Variants in KLHL13 observed in about 807,000 individuals in gnomAD.
KLHL13 encodes kelch like family member 13.
A neutral mutation model predicts 37.1 loss-of-function variants in KLHL13; 10 were observed. The observed-to-expected ratio is 0.27, with a 90% CI of 0.17 to 0.46. KLHL13 has a LOEUF of 0.46. Ranked by LOEUF, KLHL13 falls within the 20% of genes least tolerant of loss-of-function variation. The pLI, the probability that KLHL13 is intolerant of heterozygous loss-of-function variation, is 1.00. For synonymous variants in KLHL13, 163 were observed against 181.2 expected (o/e 0.90, Z 0.81); for missense variants, 360 against 509.3 (o/e 0.71, Z 2.82).
chrX:118,004,284 A>G (rs1002302658), intron 1 of KLHL13, among the ~76,000 whole-genome samples: 3 of 111,992 alleles, frequency 2.7e-5, no homozygotes, highest in Non-Finnish European at 1.9e-5. Context: ...GTGTATATAC[A>G]TGTATACAAA....
chrX:118,091,272 G>C (rs1168854387), intron 1 of KLHL13, among the ~76,000 whole-genome samples: 1 of 110,922 alleles, frequency 9.0e-6, no homozygotes, highest in African/African-American at 3.3e-5. Flanking sequence ...AAAACTTAAA[G>C]TATAATAAAA....
At chrX:117,919,963 G>C (rs1300713982) in intron 3 of KLHL13, among the ~76,000 whole-genome samples, 2 of 100,487 alleles carry the variant, frequency 2.0e-5, no homozygotes, top group Non-Finnish European at 3.9e-5. Context: ...TTTTGACATA[G>C]AGTAGAGATT....
At chrX:118,117,021 C>G (rs979913007), upstream of KLHL13, among the ~76,000 whole-genome samples, 2 of 112,863 alleles carry the variant, frequency 1.8e-5, no homozygotes, top group African/African-American at 6.4e-5. Context: ...AGGGCCGGAC[C>G]CTGAAGCTGA....
chrX:118,033,186 G>C lies in KLHL13; in HGVS notation c.-56+83322C>G, dbSNP rs758346385. ...ACACTCTGCAGGATATTATCCAGGA[G>C]AACTTCCCCAATCTAGCAAGGCAGG... On this transcript the variant is annotated intron_variant, in intron 1 of 6. Transcript: ENST00000371882. 1.6e-3 allele frequency among the ~76,000 whole-genome samples: 183 copies of C among 111,465 alleles called. 2 individuals are homozygous for C. Among genetic ancestry groups the C allele is most frequent in the African/African-American group, 5.8e-3 (178 of 30,685 alleles).
At chrX:118,110,446 T>G (rs1444107932) in intron 1 of KLHL13, among the ~76,000 whole-genome samples, 1 of 103,461 alleles carries the variant, frequency 9.7e-6, no homozygotes, top group Non-Finnish European at 2.0e-5. Flanking sequence ...TGGCACGATC[T>G]TGGCTCACTG....
chrX:118,108,226 G>C (rs1360511470), intron 1 of KLHL13, among the ~76,000 whole-genome samples: 9 of 111,909 alleles, frequency 8.0e-5, no homozygotes, highest in Non-Finnish European at 1.7e-4. Context: ...CACTTCACCT[G>C]TAGACGATAA....
chrX:117,956,457 T>C (rs1273405451), intron 1 of KLHL13, among the ~76,000 whole-genome samples: 1 of 111,464 alleles, frequency 9.0e-6, no homozygotes, highest in African/African-American at 3.3e-5. Flanking sequence ...ATAGTAGGCA[T>C]CAAGCATTCA....
At chrX:118,057,141 G>A (rs2054693349) in intron 1 of KLHL13, among the ~76,000 whole-genome samples, 1 of 111,635 alleles carries the variant, frequency 9.0e-6, no homozygotes, top group South Asian at 3.8e-4. Flanking sequence ...GTGTGGTGTT[G>A]GCACAAGGAT....
At chrX:117,919,418 G>A in intron 4 of KLHL13, 103 bp downstream of exon 5, 1 of 639,755 alleles carries the variant, frequency 1.6e-6, no homozygotes, top group East Asian at 3.2e-5. Context: ...AGACACATCT[G>A]TCTAATGGCA....
chrX:118,090,903 A>T (rs1381874957), intron 1 of KLHL13, among the ~76,000 whole-genome samples: 1 of 108,381 alleles, frequency 9.2e-6, no homozygotes, highest in Non-Finnish European at 1.9e-5. Flanking sequence ...GATAGACTGG[A>T]TTAAGAAAAT....
chrX:118,069,438 AAAC>A (rs1425577117), intron 1 of KLHL13, among the ~76,000 whole-genome samples: 4 of 108,329 alleles, frequency 3.7e-5, no homozygotes, highest in African/African-American at 1.4e-4. Context: ...AAAAAAAAAA[AAAC>A]AATTTTAAAA....
At chrX:117,971,435 T>A in intron 1 of KLHL13, among the ~76,000 whole-genome samples, 1 of 111,833 alleles carries the variant, frequency 8.9e-6, no homozygotes, top group East Asian at 2.8e-4. Flanking sequence ...TCCATTAATT[T>A]GTGCTTTTGA....
rs1006605155 is a variant in KLHL13 at position 118,099,121 on chromosome X, T to G, written c.-56+17387A>C. ...ACTTAAAGTATAATAATAATAAAAT[T>G]TAAAAAAATTATACTTTATTAAATG... On this transcript the variant is annotated intron_variant, in intron 1 of 6. Transcript: ENST00000371882. 3.9e-5 allele frequency among the ~76,000 whole-genome samples: 4 copies of G among 102,968 alleles called. No homozygotes were observed. In the Admixed American group the frequency reaches 4.0e-4, roughly 10 times the overall value. 89.4% of individuals were successfully genotyped at this position (102,968 alleles called of 115,157 possible). A position where few individuals can be genotyped will look rare whatever the true frequency, so the allele number is the denominator to read the frequency against.
At chrX:118,000,018 T>C (rs1389736704) in intron 1 of KLHL13, among the ~76,000 whole-genome samples, 1 of 112,236 alleles carries the variant, frequency 8.9e-6, no homozygotes, top group African/African-American at 3.2e-5. Context: ...GTGATCTTCA[T>C]TGTCAAAGTA....
chrX:117,908,395 C>T (rs1005991704), intron 5 of KLHL13, among the ~76,000 whole-genome samples: 2 of 108,491 alleles, frequency 1.8e-5, no homozygotes, highest in Non-Finnish European at 3.8e-5. Context: ...CCTCCCCTAG[C>T]CCCCCAACCC....
intron 1 of KLHL13, among the ~76,000 whole-genome samples, chrX:117,953,762 T>G (rs940125900): frequency 4.5e-5 from 5 of 110,832 alleles, no homozygotes; most frequent in South Asian, 3.8e-4. Context: ...AATGCTTAAT[T>G]TATAAGCACA....
At chrX:118,112,328 C>A (rs758031645) in intron 1 of KLHL13, among the ~76,000 whole-genome samples, 2 of 111,774 alleles carry the variant, frequency 1.8e-5, no homozygotes, top group African/African-American at 3.3e-5. Context: ...AGGTCTAGGT[C>A]GCCTTCATGA....
chrX:118,072,080 T>C (rs1264200690), intron 1 of KLHL13, among the ~76,000 whole-genome samples: 5 of 109,365 alleles, frequency 4.6e-5, no homozygotes, highest in Non-Finnish European at 5.7e-5. Flanking sequence ...CTTCAAACTA[T>C]ACTACAAGGC....
chrX:118,089,530 A>C (rs2055093561), intron 1 of KLHL13, among the ~76,000 whole-genome samples: 3 of 105,801 alleles, frequency 2.8e-5, no homozygotes, highest in Non-Finnish European at 3.9e-5. Context: ...AAGCCAGCTA[A>C]GACAGAAAGT....
Sources: gnomAD v4.1 joint callset for allele counts (sites outside exome capture counted in the v4.1 genomes callset) on GRCh38, gnomAD v4.1.1 for gene constraint, MANE v1.5 for transcripts, NCBI Gene and HGNC (gene_info 2026-07-23, HGNC 2026-07-21) for gene names.